The following PARD3B variants were observed in gnomAD, a reference collection of about 807,000 sequenced individuals.
PARD3B encodes partitioning defective 3 homolog B.
PARD3B carries 103 observed loss-of-function variants against 130.2 expected under a neutral mutation model. That is an observed-to-expected ratio of 0.79 (90% CI 0.67 to 0.93). PARD3B has a LOEUF of 0.93. Ranked by LOEUF, PARD3B falls within the 40% of genes least tolerant of loss-of-function variation. The pLI is 0.00. For missense variants in PARD3B, 1,609 were observed against 1,499.2 expected (o/e 1.07, Z -1.21); for synonymous variants, 583 against 553.2 (o/e 1.05, Z -0.76).
At chr2:205,455,166 G>A (rs2048229158) in intron 20 of PARD3B, among the ~76,000 whole-genome samples, 1 of 152,044 alleles carries the variant, frequency 6.6e-6, no homozygotes, top group Non-Finnish European at 1.5e-5. Context: ...GTGTGGCTTT[G>A]CGGAAATTAT....
chr2:205,495,860 A>G (rs1415087826), intron 20 of PARD3B, among the ~76,000 whole-genome samples: 1 of 152,214 alleles, frequency 6.6e-6, no homozygotes, highest in Non-Finnish European at 1.5e-5. Context: ...GAGCAGAATA[A>G]TAAATCCATC....
At chr2:205,557,487 C>T (rs1189879476) in intron 22 of PARD3B, among the ~76,000 whole-genome samples, 1 of 152,202 alleles carries the variant, frequency 6.6e-6, no homozygotes, top group Non-Finnish European at 1.5e-5. Flanking sequence ...TCTTAGCTCA[C>T]ACACGCTTCC....
At position 205,364,502 on chromosome 2, in the gene PARD3B, G is replaced by C. The variant is rs569750503; in HGVS notation, c.2631-36511G>C. The stretch of plus-strand genomic sequence containing the variant: ...CAGCCTGCCAAGCAAGGTTGGCCTG[G>C]GCTGGTAATCTCCCAGGCTTTAATC... On this transcript the variant is annotated intron_variant, in intron 18 of 22. Coordinates refer to ENST00000406610, the MANE Select transcript of PARD3B (RefSeq NM_001302769.2). 3.3e-5 allele frequency among the ~76,000 whole-genome samples: 5 copies of C among 152,288 alleles called. No homozygotes were observed. In the East Asian group the frequency reaches 9.6e-4, roughly 29 times the overall value.
intron 11 of PARD3B, among the ~76,000 whole-genome samples, chr2:205,164,822 TACACAC>T (rs71032448): frequency 4.8e-5 from 7 of 147,242 alleles, no homozygotes; most frequent in Non-Finnish European, 7.5e-5. Flanking sequence ...TATATATGTA[TACACAC>T]ACACACACAC....
intron 2 of PARD3B, among the ~76,000 whole-genome samples, chr2:204,944,645 T>C (rs1322608345): frequency 6.6e-6 from 1 of 152,258 alleles, no homozygotes; most frequent in Non-Finnish European, 1.5e-5. Context: ...AATCCAATGT[T>C]GATATTTTAT....
intron 22 of PARD3B, among the ~76,000 whole-genome samples, chr2:205,581,340 CGT>C (rs920686340): frequency 1.7e-4 from 24 of 144,504 alleles, no homozygotes; most frequent in African/African-American, 4.6e-4. Flanking sequence ...CTGTCATATA[CGT>C]GTGTGTGTGT....
At chr2:205,164,146 T>C (rs1209365391) in intron 11 of PARD3B, among the ~76,000 whole-genome samples, 3 of 152,148 alleles carry the variant, frequency 2.0e-5, no homozygotes, top group Non-Finnish European at 4.4e-5. Context: ...AATTTGACCT[T>C]AAAAAAGGAA....
chr2:204,980,912 C>T (rs1228112032), intron 3 of PARD3B, among the ~76,000 whole-genome samples: 2 of 152,102 alleles, frequency 1.3e-5, no homozygotes, highest in African/African-American at 4.8e-5. Context: ...AATCTGTAGC[C>T]TTGTTAATAG....
chr2:205,404,999 C>G (rs2046371408), intron 19 of PARD3B, among the ~76,000 whole-genome samples: 1 of 152,178 alleles, frequency 6.6e-6, no homozygotes, highest in South Asian at 2.1e-4. Flanking sequence ...CCCCATTCAT[C>G]TAATTTTTTT....
chr2:204,547,346 A>G (rs1464877342), intron 1 of PARD3B, among the ~76,000 whole-genome samples: 2 of 152,206 alleles, frequency 1.3e-5, no homozygotes, highest in African/African-American at 4.8e-5. Flanking sequence ...GGAGAGTACA[A>G]TGAAAGGTCT....
At chr2:204,945,272 G>C (rs556189864) in intron 2 of PARD3B, among the ~76,000 whole-genome samples, 1 of 152,270 alleles carries the variant, frequency 6.6e-6, no homozygotes, top group South Asian at 2.1e-4. Context: ...ATCATGGAGG[G>C]TGATGGACTA....
At chr2:205,181,072 T>C (rs1450000627) in intron 13 of PARD3B, among the ~76,000 whole-genome samples, 1 of 152,162 alleles carries the variant, frequency 6.6e-6, no homozygotes, top group Non-Finnish European at 1.5e-5. Context: ...CTTCTCCTTT[T>C]TCAGCTCAAG....
chr2:204,860,878 CA>C (rs1355560294), intron 2 of PARD3B, among the ~76,000 whole-genome samples: 6 of 152,082 alleles, frequency 3.9e-5, no homozygotes, highest in Admixed American at 1.3e-4. Flanking sequence ...TTCATATGTG[CA>C]GATTAGCAGT....
intron 20 of PARD3B, among the ~76,000 whole-genome samples, chr2:205,492,313 C>G (rs1014681761): frequency 1.3e-5 from 2 of 152,028 alleles, no homozygotes; most frequent in Admixed American, 6.6e-5. Flanking sequence ...TATTATTCAC[C>G]CTTTCCCTAA....
At chr2:204,871,300 T>C (rs2045620586) in intron 2 of PARD3B, among the ~76,000 whole-genome samples, 2 of 152,130 alleles carry the variant, frequency 1.3e-5, no homozygotes, top group African/African-American at 2.4e-5. Context: ...CTTTGATTTA[T>C]TATAGACTAT....
intron 10 of PARD3B, among the ~76,000 whole-genome samples, chr2:205,136,743 G>A (rs921740145): frequency 1.3e-5 from 2 of 152,164 alleles, no homozygotes; most frequent in Non-Finnish European, 2.9e-5. Context: ...TCTTAGCCAT[G>A]ATTTACTTTC....
intron 3 of PARD3B, among the ~76,000 whole-genome samples, chr2:205,007,944 T>C (rs1397866646): frequency 2.0e-5 from 3 of 152,334 alleles, no homozygotes; most frequent in African/African-American, 7.2e-5. Flanking sequence ...TTTTATATTT[T>C]TGGAGCTGTT....
At chr2:204,650,510 A>G (rs1167179537) in intron 1 of PARD3B, among the ~76,000 whole-genome samples, 2 of 152,228 alleles carry the variant, frequency 1.3e-5, no homozygotes, top group Non-Finnish European at 2.9e-5. Context: ...ATGCCCATCA[A>G]TAATAGACTG....
At chr2:204,762,281 C>T (rs527445518) in intron 2 of PARD3B, among the ~76,000 whole-genome samples, 6 of 151,636 alleles carry the variant, frequency 4.0e-5, no homozygotes, top group Non-Finnish European at 8.8e-5. Context: ...GCCACCATGC[C>T]CAGCTAATTT....
Sources: gnomAD v4.1 joint callset for allele counts (sites outside exome capture counted in the v4.1 genomes callset) on GRCh38, gnomAD v4.1.1 for gene constraint, MANE v1.5 for transcripts, NCBI Gene and HGNC (gene_info 2026-07-23, HGNC 2026-07-21) for gene names.